The following KMT2C variants were observed in gnomAD, a reference collection of about 807,000 sequenced individuals.
The protein encoded by KMT2C is lysine methyltransferase 2C.
In KMT2C, 88 loss-of-function variants were observed where a neutral mutation model predicts 507.9. The observed-to-expected ratio is 0.17, with a 90% CI of 0.15 to 0.21. The LOEUF is 0.21. KMT2C is among the 10% of genes least tolerant of loss of function. KMT2C has a pLI of 1.00. For synonymous variants in KMT2C, 2,049 were observed against 2,080.8 expected (o/e 0.98, Z 0.42); for missense variants, 4,954 against 5,957.8 (o/e 0.83, Z 5.55).
intron 1 of KMT2C, among the ~76,000 whole-genome samples, chr7:152,427,044 C>T (rs1170335662): frequency 6.6e-6 from 1 of 151,744 alleles, no homozygotes; most frequent in African/African-American, 2.4e-5. Context: ...GAGACAGAGT[C>T]TCACTCTGTC....
intron 1 of KMT2C, among the ~76,000 whole-genome samples, chr7:152,378,465 A>C (rs894719078): frequency 3.3e-5 from 5 of 152,282 alleles, no homozygotes; most frequent in South Asian, 2.1e-4. Flanking sequence ...TTTTTAAATT[A>C]AAGTATGCAC....
chr7:152,258,205 T>G (rs1254917145), intron 9 of KMT2C, among the ~76,000 whole-genome samples: 1 of 152,126 alleles, frequency 6.6e-6, no homozygotes, highest in African/African-American at 2.4e-5. Context: ...AAGTATGAAG[T>G]GTTCAAGTAA....
At chr7:152,369,900 T>C (rs546118044) in intron 1 of KMT2C, among the ~76,000 whole-genome samples, 9 of 152,284 alleles carry the variant, frequency 5.9e-5, no homozygotes, top group African/African-American at 2.2e-4. Flanking sequence ...GATTTCACTA[T>C]AGACTCCACA....
Position 152,151,495 on chromosome 7 carries a change from T to A in KMT2C, c.12613A>T (p.Ile4205Phe). ...PQWCCHCKVV[I>F]LGSGVRKSFK... Reference sequence around the variant, plus strand: ...GATTTCCGCACACCACTTCCAAGAATAACCACTTTACAATGACAACACCAC... The same window carrying A: ...GATTTCCGCACACCACTTCCAAGAAAAACCACTTTACAATGACAACACCAC... Residue 4205 changes from isoleucine to phenylalanine, a missense_variant, in exon 50 of 59, where the codon ATT becomes TTT. By Grantham distance (21) the Ile-to-Phe change is conservative (BLOSUM62 0). Around this residue, in one of 29 missense-constraint regions of KMT2C, gnomAD observed 417 missense variants for 461.1 expected, o/e 0.90. Transcript: ENST00000262189. The A allele has an allele frequency of 6.2e-7, 1 of 1,614,180 alleles. No homozygotes were observed. The highest frequency in any genetic ancestry group is 8.5e-7 in the Non-Finnish European group (1 of 1,180,006).
At chr7:152,287,363 A>G (rs2096319066) in intron 6 of KMT2C, among the ~76,000 whole-genome samples, 1 of 152,236 alleles carries the variant, frequency 6.6e-6, no homozygotes, top group African/African-American at 2.4e-5. Flanking sequence ...ATGCAAGTCC[A>G]GAGTTTTCAC....
At chr7:152,382,278 G>A (rs2097381183) in intron 1 of KMT2C, among the ~76,000 whole-genome samples, 3 of 152,066 alleles carry the variant, frequency 2.0e-5, no homozygotes, top group Admixed American at 6.5e-5. Context: ...AACTTATAGG[G>A]AAACCAGATC....
At chr7:152,299,950 T>C (rs1388936621) in intron 6 of KMT2C, among the ~76,000 whole-genome samples, 1 of 152,124 alleles carries the variant, frequency 6.6e-6, no homozygotes, top group Non-Finnish European at 1.5e-5. Flanking sequence ...AATACTAATA[T>C]GAGGCAAAGC....
intron 41 of KMT2C, 90 bp from the exon 42 acceptor site, chr7:152,167,468 C>T: frequency 1.3e-6 from 1 of 778,676 alleles, no homozygotes; most frequent in Non-Finnish European, 2.1e-6. Flanking sequence ...GAAGTAGTTT[C>T]ACCATGACCA....
intron 1 of KMT2C, among the ~76,000 whole-genome samples, chr7:152,423,614 T>G (rs1199949632): frequency 6.6e-6 from 1 of 152,128 alleles, no homozygotes; most frequent in African/African-American, 2.4e-5. Flanking sequence ...CCTGATGACT[T>G]TGCAGTGTAG....
chr7:152,336,471 A>G (rs182584871), intron 2 of KMT2C, among the ~76,000 whole-genome samples: 4 of 152,302 alleles, frequency 2.6e-5, no homozygotes, highest in African/African-American at 9.6e-5. Context: ...TGTCATCCAG[A>G]GATGCTCTGG....
At chr7:152,357,432 G>A (rs2097161399) in intron 2 of KMT2C, among the ~76,000 whole-genome samples, 1 of 152,000 alleles carries the variant, frequency 6.6e-6, no homozygotes, top group Non-Finnish European at 1.5e-5. Flanking sequence ...GCTGACGCAG[G>A]AGAATGGCAT....
chr7:152,252,568 G>A lies in KMT2C; in HGVS notation c.1447C>T (p.Leu483Phe), dbSNP rs2095578766. The change falls in exon 10 of 59, where the codon CTT becomes TTT. Residue 483 changes from leucine to phenylalanine, a missense_variant. Transcript: ENST00000262189. Reference protein sequence around the residue: ...CYHPELQKDMLHCNMCKRWVH... With the variant: ...CYHPELQKDMFHCNMCKRWVH... ...TACCTTTTGCACATATTACAATGAAGCATGTCTTTCTGCAATTCTGGATGA... is the reference window on the plus strand; with the variant it reads ...TACCTTTTGCACATATTACAATGAAACATGTCTTTCTGCAATTCTGGATGA... The A allele has an allele frequency of 6.2e-7, 1 of 1,612,786 alleles. No homozygotes were observed. The highest frequency in any genetic ancestry group is 8.5e-7 in the Non-Finnish European group (1 of 1,179,278).
At chr7:152,368,660 A>T in intron 1 of KMT2C, 1 of 1,452,210 alleles carries the variant, frequency 6.9e-7, no homozygotes, top group South Asian at 1.2e-5. Context: ...AAGATCTTTT[A>T]AACTCTCTAT....
chr7:152,261,785 G>T (rs1041730545), intron 9 of KMT2C, among the ~76,000 whole-genome samples: 15 of 152,154 alleles, frequency 9.9e-5, no homozygotes, highest in African/African-American at 3.6e-4. Context: ...ACTGAGTGAA[G>T]ATAAGAGTGT....
intron 1 of KMT2C, among the ~76,000 whole-genome samples, chr7:152,417,903 A>G (rs112338703): frequency 1.3e-5 from 2 of 149,378 alleles, no homozygotes; most frequent in Admixed American, 6.7e-5. Context: ...CGGCCTCCCA[A>G]AGTGCTGGGA....
At chr7:152,332,085 T>C (rs554443038) in intron 2 of KMT2C, among the ~76,000 whole-genome samples, 1 of 152,198 alleles carries the variant, frequency 6.6e-6, no homozygotes, top group South Asian at 2.1e-4. Context: ...TATTACCCAT[T>C]CTAAAAGCTT....
intron 53 of KMT2C, 56 bp downstream of exon 53, chr7:152,146,543 G>A: frequency 6.4e-7 from 1 of 1,563,458 alleles, no homozygotes; most frequent in Non-Finnish European, 8.8e-7. Flanking sequence ...GTGTTCAAGT[G>A]GTCACACTGA....
intron 9 of KMT2C, 111 bp from the exon 10 acceptor site, chr7:152,252,826 T>C (rs1478322492): frequency 3.4e-5 from 26 of 767,028 alleles, no homozygotes; most frequent in Non-Finnish European, 4.8e-5. Context: ...TACATTAAGC[T>C]TTTATTTTCA....
At chr7:152,231,835 A>G (rs2095126169) in intron 16 of KMT2C, among the ~76,000 whole-genome samples, 1 of 151,768 alleles carries the variant, frequency 6.6e-6, no homozygotes, top group Non-Finnish European at 1.5e-5. Context: ...GAAGGACTAC[A>G]TCTCAGTATT....
Sources: allele counts gnomAD v4.1 joint callset (sites outside exome capture counted in the v4.1 genomes callset), GRCh38; gene constraint gnomAD v4.1.1; regional missense constraint gnomAD v4.1.1; transcripts MANE v1.5; gene names NCBI Gene and HGNC (gene_info 2026-07-23, HGNC 2026-07-21).